EPHA7: variants seen among roughly 807,000 people sequenced by gnomAD.
EPHA7 encodes EPH receptor A7.
Under a neutral mutation model 112.6 loss-of-function variants are expected in EPHA7, and 25 were observed. The ratio of observed to expected loss-of-function variants is 0.22; its 90% CI spans 0.16 to 0.31. The LOEUF is 0.31. Ranked by LOEUF, EPHA7 falls within the 10% of genes least tolerant of loss-of-function variation. The pLI is 1.00. For synonymous variants in EPHA7, 437 were observed against 406.5 expected (o/e 1.07, Z -0.90); for missense variants, 962 against 1,212.6 (o/e 0.79, Z 3.07).
rs1775670556 is a variant in EPHA7 at position 93,351,118 on chromosome 6, C to T, written c.1324+5599G>A. Among the ~76,000 whole-genome samples the T allele has an allele frequency of 2.6e-5, 4 of 152,178 alleles. No homozygotes were observed. The South Asian group carries it at 6.2e-4, about 24-fold the overall frequency. On this transcript the variant is annotated intron_variant, in intron 5 of 16. Transcript: ENST00000369303. ...ATTTGCCAGAAAACAGGCCTCAGTT[C>T]CCTGCCTCATTTAGAATTTCCTTTC...
intron 14 of EPHA7, among the ~76,000 whole-genome samples, chr6:93,248,822 A>G (rs1001828086): frequency 2.0e-5 from 3 of 152,088 alleles, no homozygotes; most frequent in African/African-American, 7.2e-5. Context: ...CCTGCCTCAC[A>G]TCCTCTTATA....
At chr6:93,356,025 A>T (rs1775926477) in intron 5 of EPHA7, among the ~76,000 whole-genome samples, 2 of 152,182 alleles carry the variant, frequency 1.3e-5, no homozygotes, top group South Asian at 4.1e-4. Context: ...GAGACAATGA[A>T]GCCAACTCTT....
intron 5 of EPHA7, among the ~76,000 whole-genome samples, chr6:93,277,284 C>T (rs1771514810): frequency 6.6e-6 from 1 of 151,990 alleles, no homozygotes; most frequent in African/African-American, 2.4e-5. Flanking sequence ...CATAAAAATA[C>T]ATACAAATTT....
intron 1 of EPHA7, among the ~76,000 whole-genome samples, chr6:93,416,062 A>C (rs1458454175): frequency 6.7e-6 from 1 of 150,276 alleles, no homozygotes; most frequent in African/African-American, 2.5e-5. Context: ...TTAGTGTTTT[A>C]CACTTAAGAC....
chr6:93,297,405 G>T (rs1473493196), intron 5 of EPHA7, among the ~76,000 whole-genome samples: 1 of 152,018 alleles, frequency 6.6e-6, no homozygotes, highest in East Asian at 1.9e-4. Flanking sequence ...CTCAAGTAAA[G>T]CATATTTTTA....
intron 5 of EPHA7, among the ~76,000 whole-genome samples, 163 bp from the exon 6 acceptor site, chr6:93,272,585 C>A (rs1198980354): frequency 6.6e-6 from 1 of 151,780 alleles, no homozygotes. Context: ...TCAAACAGGA[C>A]CTTATTACTG....
intron 5 of EPHA7, among the ~76,000 whole-genome samples, chr6:93,319,848 CT>C (rs772935458): frequency 6.1e-4 from 92 of 152,038 alleles, no homozygotes; most frequent in Non-Finnish European, 9.1e-4. Flanking sequence ...ATATTATACC[CT>C]TTATTTAATA....
intron 15 of EPHA7, 49 bp downstream of exon 15, chr6:93,246,743 G>C (rs2127846686): frequency 6.7e-7 from 1 of 1,492,998 alleles, no homozygotes; most frequent in South Asian, 1.2e-5. Flanking sequence ...AATGGTTTAT[G>C]TTACTATTGT....
Position 93,241,020 on chromosome 6 carries a change from G to A in EPHA7, c.*2406C>T, listed in dbSNP as rs1769666763. ...AAAGAGCTGTAAAAAATTTAAGGCAGATGAGGTATATTGCTGAAGGAAAAA... is the reference window on the plus strand; with the variant it reads ...AAAGAGCTGTAAAAAATTTAAGGCAAATGAGGTATATTGCTGAAGGAAAAA... On this transcript the variant is annotated 3_prime_UTR_variant, in exon 17 of 17. Transcript: ENST00000369303. 1 of 212,048 alleles carries A rather than the reference G, an allele frequency of 4.7e-6. No individual in the cohort carries two copies. 13.1% of individuals were successfully genotyped at this position (212,048 alleles called of 1,614,324 possible).
chr6:93,305,719 T>A (rs1037111123), intron 5 of EPHA7, among the ~76,000 whole-genome samples: 8 of 152,080 alleles, frequency 5.3e-5, no homozygotes, highest in African/African-American at 9.6e-5. Flanking sequence ...GTAATTAATT[T>A]ATTTCATTAC....
At chr6:93,302,551 G>A (rs779030959) in intron 5 of EPHA7, among the ~76,000 whole-genome samples, 34 of 152,186 alleles carry the variant, frequency 2.2e-4, no homozygotes, top group Admixed American at 1.3e-3. Flanking sequence ...CTGCATTGGC[G>A]CATATAATTC....
intron 5 of EPHA7, among the ~76,000 whole-genome samples, chr6:93,314,413 T>A (rs796471365): frequency 2.6e-5 from 4 of 152,272 alleles, no homozygotes; most frequent in African/African-American, 9.6e-5. Context: ...TTTAACAAAG[T>A]AGCATAAACA....
In EPHA7 at chr6:93,272,406, A is replaced by G. The variant is rs345713; in HGVS notation, c.1341T>C (p.Ser447=). Residue 447 remains serine, a synonymous_variant, in exon 6 of 17, where the codon AGT becomes AGC. Transcript: ENST00000369303. ...TTGQAAPSQV[S]GVMKERVLQR... is the part of the protein sequence containing the mutation. ...GCAGTACTCTCTCCTTCATTACTCC[A>G]CTCACTTGCGAGGGAGCTGTTTGGA... 0.88 allele frequency: 1,423,083 copies of G among 1,611,554 alleles called. 629,647 individuals carry two copies. The highest frequency in any genetic ancestry group is 0.98 in the African/African-American group (73,109 of 74,824).
At chr6:93,321,511 A>T (rs1036507494) in intron 5 of EPHA7, among the ~76,000 whole-genome samples, 2 of 151,802 alleles carry the variant, frequency 1.3e-5, no homozygotes, top group African/African-American at 4.8e-5. Flanking sequence ...TCTTCTCTCT[A>T]TATTTGTTTT....
chr6:93,294,443 A>C (rs1359106492), intron 5 of EPHA7, among the ~76,000 whole-genome samples: 19 of 152,164 alleles, frequency 1.2e-4, no homozygotes, highest in Admixed American at 1.2e-3. Context: ...CTACTGATAT[A>C]CTAAACCTGA....
At chr6:93,261,749 C>A (rs1770697980) in intron 9 of EPHA7, among the ~76,000 whole-genome samples, 1 of 151,392 alleles carries the variant, frequency 6.6e-6, no homozygotes, top group African/African-American at 2.4e-5. Context: ...ATGATGAAAA[C>A]TTTATATACA....
intron 5 of EPHA7, among the ~76,000 whole-genome samples, chr6:93,306,049 G>A (rs1046617426): frequency 3.3e-5 from 5 of 151,940 alleles, no homozygotes; most frequent in Non-Finnish European, 7.4e-5. Context: ...AAAAAGGGCA[G>A]TGTGAAAATC....
At position 93,263,892 on chromosome 6, in the gene EPHA7, T is replaced by C. The variant is rs1770806253; in HGVS notation, c.1766A>G (p.Asp589Gly). 6.2e-7 allele frequency: 1 copy of C among 1,609,526 alleles called. No individual in the cohort carries two copies. The highest frequency in any genetic ancestry group is 8.5e-7 in the Non-Finnish European group (1 of 1,177,164). ...GRRHCGYSKA[D>G]QEGDEELYFH... ...GTAAAGCTCTTCATCGCCTTCTTGG[T>C]CAGCTTTGCTATAACCACAGTGCCT... The change falls in exon 9 of 17, where the codon GAC becomes GGC. Residue 589 changes from aspartate (D) to glycine (G), a missense_variant. Physicochemically the swap from Asp to Gly is moderately conservative, Grantham distance 94. Transcript: ENST00000369303.
chr6:93,317,025 C>T (rs1773848816), intron 5 of EPHA7, among the ~76,000 whole-genome samples: 1 of 152,094 alleles, frequency 6.6e-6, no homozygotes, highest in Non-Finnish European at 1.5e-5. Context: ...GTCATTTCTC[C>T]CTGGCTGCTC....
Sources: allele counts gnomAD v4.1 joint callset (sites outside exome capture counted in the v4.1 genomes callset), GRCh38; gene constraint gnomAD v4.1.1; transcripts MANE v1.5; gene names NCBI Gene and HGNC (gene_info 2026-07-23, HGNC 2026-07-21).